Variants in MYO10 observed in about 807,000 individuals in gnomAD.
MYO10 encodes myosin X, also known as unconventional myosin-X.
A neutral mutation model predicts 257.3 loss-of-function variants in MYO10; 133 were observed. The observed-to-expected ratio is 0.52, with a 90% CI of 0.45 to 0.60. The LOEUF is 0.60. MYO10 is among the 20% of genes least tolerant of loss of function. The probability of loss-of-function intolerance (pLI) is 0.00; values close to 1 mark genes in which losing one functional copy is unlikely to be tolerated. For synonymous variants in MYO10, 1,104 were observed against 1,028.6 expected, an observed-to-expected ratio of 1.07 and a Z score of -1.40; for missense variants, 2,399 against 2,635.7, an observed-to-expected ratio of 0.91 and a Z score of 1.97.
intron 4 of MYO10, among the ~76,000 whole-genome samples, chr5:16,792,959 A>G (rs1018932390): frequency 2.6e-5 from 4 of 152,212 alleles, no homozygotes; most frequent in African/African-American, 9.7e-5. Context: ...TTCTGAGGAA[A>G]TAATATAATT....
chr5:16,705,620 C>T (rs533568122), intron 21 of MYO10, among the ~76,000 whole-genome samples: 2 of 152,136 alleles, frequency 1.3e-5, no homozygotes, highest in Non-Finnish European at 2.9e-5. Context: ...TTGGTGTCTC[C>T]GCAATTTTTT....
chr5:16,769,234 G>A, intron 9 of MYO10, 31 bp from the exon 10 acceptor site: 1 of 1,556,902 alleles, frequency 6.4e-7, no homozygotes, highest in African/African-American at 1.4e-5. Flanking sequence ...TTAATTTTAT[G>A]TCGTTTTTTC....
intron 19 of MYO10, among the ~76,000 whole-genome samples, chr5:16,717,305 G>A (rs1053350175): frequency 3.3e-5 from 5 of 152,180 alleles, no homozygotes; most frequent in African/African-American, 1.2e-4. Context: ...AACTCTGAAA[G>A]GAATGAAAAC....
intron 1 of MYO10, among the ~76,000 whole-genome samples, chr5:16,894,138 C>T (rs1182009986): frequency 2.0e-5 from 3 of 152,142 alleles, no homozygotes; most frequent in South Asian, 2.1e-4. Flanking sequence ...ACTAAGGAAC[C>T]GACACTGGCA....
chr5:16,817,743 C>A (rs148081578), intron 3 of MYO10, among the ~76,000 whole-genome samples: 4 of 152,154 alleles, frequency 2.6e-5, no homozygotes, highest in South Asian at 4.1e-4. Context: ...CACAACACAG[C>A]GTATTCACAA....
At chr5:16,668,881 CG>C (rs1736302634) in intron 39 of MYO10, among the ~76,000 whole-genome samples, 2 of 152,130 alleles carry the variant, frequency 1.3e-5, no homozygotes, top group South Asian at 4.1e-4. Context: ...ATCCTCTTTG[CG>C]GATGGTTAGT....
chr5:16,866,352 C>T (rs555905705), intron 2 of MYO10, among the ~76,000 whole-genome samples: 2 of 152,278 alleles, frequency 1.3e-5, no homozygotes, highest in South Asian at 2.1e-4. Flanking sequence ...TGTCATCAGA[C>T]AGAAGAGTCA....
intron 19 of MYO10, among the ~76,000 whole-genome samples, chr5:16,743,943 G>A (rs1035853113): frequency 6.6e-6 from 1 of 152,154 alleles, no homozygotes; most frequent in Non-Finnish European, 1.5e-5. Flanking sequence ...TGGTGGTGGA[G>A]GGGGGCAGTG....
rs1736045058 is a variant in MYO10 at position 16,663,340 on chromosome 5, T to TTG, written c.*3351_*3352insCA. 1 of 40,454 alleles carries TTG rather than the reference T, an allele frequency of 2.5e-5. No individual in the cohort carries two copies. The highest frequency in any genetic ancestry group is 6.0e-5 in the Non-Finnish European group (1 of 16,594). 2.5% of individuals were successfully genotyped at this position (40,454 alleles called of 1,614,324 possible). A position where few individuals can be genotyped will look rare whatever the true frequency, so the allele number is the denominator to read the frequency against. ...TTTACTTCTAGTTGTTTTTTTTTTT[T>TTG]TTTTTTTTTTTTTTTTTTTTTTTTT... On this transcript the variant is annotated 3_prime_UTR_variant, in exon 41 of 41. Transcript: ENST00000513610.
chr5:16,754,449 G>T (rs576397937), intron 19 of MYO10, among the ~76,000 whole-genome samples: 1 of 150,354 alleles, frequency 6.7e-6, no homozygotes, highest in African/African-American at 2.4e-5. Flanking sequence ...AAAAAAGAAG[G>T]AAAGAAAGAC....
intron 1 of MYO10, among the ~76,000 whole-genome samples, 171 bp downstream of exon 1, chr5:16,935,617 C>G (rs1746417931): frequency 6.6e-6 from 1 of 152,054 alleles, no homozygotes; most frequent in Non-Finnish European, 1.5e-5. Flanking sequence ...CAAAACCTGC[C>G]CGGGCTTACT....
chr5:16,930,535 G>A (rs1580163458), intron 1 of MYO10, among the ~76,000 whole-genome samples: 1 of 152,160 alleles, frequency 6.6e-6, no homozygotes, highest in African/African-American at 2.4e-5. Context: ...AGCTACCTCA[G>A]AACAAAAAGC....
At chr5:16,869,976 G>T (rs1284980108) in intron 2 of MYO10, among the ~76,000 whole-genome samples, 1 of 151,170 alleles carries the variant, frequency 6.6e-6, no homozygotes, top group African/African-American at 2.5e-5. Flanking sequence ...GAAGCAGGCA[G>T]GTGTGCCCTT....
chr5:16,850,315 T>C (rs980933385), intron 2 of MYO10, among the ~76,000 whole-genome samples: 4 of 152,170 alleles, frequency 2.6e-5, no homozygotes, highest in Non-Finnish European at 4.4e-5. Context: ...CACTCTGTTG[T>C]CAGGCTGGAG....
chr5:16,680,082 G>A lies in MYO10; in HGVS notation c.4407C>T (p.Tyr1469=), dbSNP rs781121509. 2.0e-5 allele frequency: 33 copies of A among 1,611,628 alleles called. No individual in the cohort carries two copies. The highest frequency in any genetic ancestry group is 1.7e-4 in the Middle Eastern group (1 of 5,958). The change falls in exon 33 of 41, where the codon TAC becomes TAT. Residue 1469 remains tyrosine (Y), a synonymous_variant. Coordinates refer to ENST00000513610, the MANE Select transcript of MYO10 (RefSeq NM_012334.3). ...AGAGCCGGTAACAGTGCTTGCGCCC[G>A]TACACGGTGACGTTCCAGTAGCCTG... ...KETGYWNVTV[Y]GRKHCYRLYT...
rs186317214 is a variant in MYO10 at position 16,750,813 on chromosome 5, T to C, written c.1929+4015A>G. 9.9e-5 allele frequency among the ~76,000 whole-genome samples: 15 copies of C among 152,194 alleles called. No individual in the cohort carries two copies. In the East Asian group the frequency reaches 2.9e-3, roughly 29 times the overall value. ...GAGTTTGAGACCAGCCTGACCAACA[T>C]GGAGAAACCCCATCTCTACTAAAAA... On this transcript the variant is annotated intron_variant, in intron 19 of 40. Transcript: ENST00000513610.
At chr5:16,730,649 C>T (rs929159827) in intron 19 of MYO10, among the ~76,000 whole-genome samples, 1 of 152,184 alleles carries the variant, frequency 6.6e-6, no homozygotes, top group African/African-American at 2.4e-5. Flanking sequence ...CAAGTTCAAG[C>T]CCAGCCAGAG....
intron 32 of MYO10, among the ~76,000 whole-genome samples, chr5:16,680,706 G>A (rs376768005): frequency 6.6e-6 from 1 of 152,224 alleles, no homozygotes; most frequent in Non-Finnish European, 1.5e-5. Context: ...AGTTACCTGT[G>A]TACTTTCTAT....
At chr5:16,682,092 G>A in intron 30 of MYO10, 79 bp from the exon 31 acceptor site, 7 of 1,510,314 alleles carry the variant, frequency 4.6e-6, no homozygotes, top group Middle Eastern at 1.8e-4. Context: ...GAGACTCAGT[G>A]CCTTCTTCCT....
Sources: gnomAD v4.1 joint callset for allele counts (sites outside exome capture counted in the v4.1 genomes callset) on GRCh38, gnomAD v4.1.1 for gene constraint, MANE v1.5 for transcripts, NCBI Gene and HGNC (gene_info 2026-07-23, HGNC 2026-07-21) for gene names.